DNM2: variants seen among roughly 807,000 people sequenced by gnomAD.
DNM2 encodes the protein dynamin 2.
In DNM2, 15 loss-of-function variants were observed where a neutral mutation model predicts 99.0. The observed-to-expected ratio is 0.15, with a 90% confidence interval of 0.10 to 0.23. The LOEUF (loss-of-function observed/expected upper bound fraction) is 0.23, where lower values mean the gene tolerates loss of function less well. Ranked by LOEUF, DNM2 falls within the 10% of genes least tolerant of loss-of-function variation. The pLI is 1.00. For missense variants in DNM2, 742 were observed against 1,189.4 expected, an observed-to-expected ratio of 0.62 and a Z score of 5.53; for synonymous variants, 525 against 481.2, an observed-to-expected ratio of 1.09 and a Z score of -1.19.
intron 1 of DNM2, among the ~76,000 whole-genome samples, chr19:10,724,851 T>G (rs1333314612): frequency 2.0e-5 from 3 of 152,230 alleles, no homozygotes; most frequent in Non-Finnish European, 4.4e-5. Flanking sequence ...TTTCTTTTAA[T>G]AAGAAGCAGC....
In DNM2 at chr19:10,795,281, C is replaced by A; in HGVS notation, c.1129-91C>A. 1.7e-6 allele frequency: 2 copies of A among 1,186,760 alleles called. No homozygotes were observed. Among genetic ancestry groups the A allele is most frequent in the Non-Finnish European group, 2.5e-6 (2 of 792,704 alleles). The allele number at this position is 1,186,760 out of a possible 1,614,324, so 73.5% of individuals were successfully genotyped here. A position where few individuals can be genotyped will look rare whatever the true frequency, so the allele number is the denominator to read the frequency against. ...AAATATTCTGCCTTGTGAATATAGC[C>A]ACACGTGGGAGAGAACGTTCCCCAG... On this transcript the variant is annotated intron_variant, in intron 8 of 20. Coordinates refer to ENST00000389253, the MANE Select transcript of DNM2 (RefSeq NM_001005361.3). This position sits in a 1 kb window ranked among gnomAD's most constrained non-coding sequence, Gnocchi z 4.2.
intron 1 of DNM2, chr19:10,718,630 G>A: frequency 1.9e-6 from 1 of 528,186 alleles, no homozygotes; most frequent in East Asian, 4.5e-5. Flanking sequence ...ACGGGCCAGG[G>A]CGCCGTAGGA....
chr19:10,730,432 C>G (rs535671009), intron 1 of DNM2, among the ~76,000 whole-genome samples: 2 of 152,210 alleles, frequency 1.3e-5, no homozygotes, highest in South Asian at 4.1e-4. Context: ...TGAGCCCACA[C>G]TGTGCCATTG....
Position 10,775,719 on chromosome 19 carries a change from C to T in DNM2, c.402C>T (p.Leu134=), listed in dbSNP as rs748069348. The T allele has an allele frequency of 3.7e-6, 6 of 1,614,040 alleles. No homozygotes were observed. The highest frequency in any genetic ancestry group is 1.3e-5 in the African/African-American group (1 of 74,914). ...CCCTCCCAGTGTTGAACTTGACCCT[C>T]ATCGACCTCCCGGGTATCACCAAGG... ...VYSPHVLNLT[L]IDLPGITKVP... The change falls in exon 4 of 21, where the codon CTC becomes CTT. Residue 134 remains leucine (L), a synonymous_variant. Coordinates refer to ENST00000389253, the MANE Select transcript of DNM2 (RefSeq NM_001005361.3). The surrounding 1 kb of genome is among the most constrained non-coding windows in gnomAD (Gnocchi z 4.3).
intron 1 of DNM2, among the ~76,000 whole-genome samples, chr19:10,736,057 G>A (rs1404284321): frequency 6.6e-6 from 1 of 152,108 alleles, no homozygotes; most frequent in African/African-American, 2.4e-5. Context: ...GAGGTCAGGA[G>A]TTTGAAACTG....
At chr19:10,808,004 A>G in intron 13 of DNM2, among the ~76,000 whole-genome samples, 1 of 150,578 alleles carries the variant, frequency 6.6e-6, no homozygotes, top group East Asian at 2.3e-4. Context: ...TTAGCCTGGC[A>G]TGATGGTGGG....
At chr19:10,782,127 G>A (rs2071397331) in intron 5 of DNM2, among the ~76,000 whole-genome samples, 1 of 152,050 alleles carries the variant, frequency 6.6e-6, no homozygotes. Flanking sequence ...CGAACTCCCA[G>A]GCTCAGGTGA....
intron 1 of DNM2, among the ~76,000 whole-genome samples, chr19:10,744,760 T>G (rs2069901084): frequency 6.6e-6 from 1 of 152,102 alleles, no homozygotes; most frequent in Admixed American, 6.6e-5. Flanking sequence ...TGTTGCAAGA[T>G]GGGAGAGACT....
chr19:10,793,632 A>G, intron 7 of DNM2, 88 bp from the exon 8 acceptor site: 1 of 1,612,018 alleles, frequency 6.2e-7, no homozygotes, highest in South Asian at 1.1e-5. Context: ...TGGTAAAAGA[A>G]CAGTAAACCC....
intron 13 of DNM2, 82 bp from the exon 14 acceptor site, chr19:10,808,487 T>TC (rs2072431089): frequency 2.0e-6 from 3 of 1,497,024 alleles, no homozygotes; most frequent in Non-Finnish European, 2.7e-6. Flanking sequence ...TTTTTCTTTG[T>TC]CCCCTTCACG....
chr19:10,782,730 T>C (rs1482454397), intron 5 of DNM2, among the ~76,000 whole-genome samples: 1 of 152,252 alleles, frequency 6.6e-6, no homozygotes, highest in Non-Finnish European at 1.5e-5. Flanking sequence ...TTTCTGTCCC[T>C]GCGCACACAG....
Position 10,816,347 on chromosome 19 carries a change from C to T in DNM2, c.1672-3633C>T, listed in dbSNP as rs947198164. On this transcript the variant is annotated intron_variant, in intron 15 of 20. Transcript: ENST00000389253. This position sits in a 1 kb window ranked among gnomAD's most constrained non-coding sequence, Gnocchi z 4.6. ...GGAGCCCTGAGGCTTCTGCGGGACTCTGGGGCGCTGTTTCTAAACCCAGGG... is the reference window on the plus strand; with the variant it reads ...GGAGCCCTGAGGCTTCTGCGGGACTTTGGGGCGCTGTTTCTAAACCCAGGG... 3.1e-4 allele frequency among the ~76,000 whole-genome samples: 47 copies of T among 152,248 alleles called. No individual in the cohort carries two copies. The highest frequency in any genetic ancestry group is 9.9e-4 in the African/African-American group (41 of 41,542).
At chr19:10,726,690 C>T (rs920932526) in intron 1 of DNM2, among the ~76,000 whole-genome samples, 9 of 152,044 alleles carry the variant, frequency 5.9e-5, no homozygotes, top group Admixed American at 2.0e-4. Flanking sequence ...ATGGTGAACC[C>T]TCATCTCTAC....
intron 1 of DNM2, among the ~76,000 whole-genome samples, chr19:10,753,604 A>T (rs1028486637): frequency 1.3e-5 from 2 of 151,658 alleles, no homozygotes; most frequent in African/African-American, 4.8e-5. Context: ...CAGCATGGAT[A>T]GGCCATAATT....
chr19:10,794,210 C>CA (rs1197057484), intron 8 of DNM2, among the ~76,000 whole-genome samples: 1 of 152,152 alleles, frequency 6.6e-6, no homozygotes, highest in East Asian at 1.9e-4. Flanking sequence ...TGCAACATAG[C>CA]ACTGAGCTGA....
rs531726476 is a variant in DNM2 at position 10,786,593 on chromosome 19, G to C, written c.879G>C (p.Leu293=). 3.7e-6 allele frequency: 6 copies of C among 1,614,158 alleles called. No individual in the cohort carries two copies. The South Asian group carries it at 6.6e-5, about 18-fold the overall frequency. The change falls in exon 7 of 21, where the codon CTG becomes CTC. Residue 293 remains leucine (L), a synonymous_variant. Transcript: ENST00000389253. The stretch of plus-strand genomic sequence containing the variant: ...TGACCAACCACATCCGGGAGTCGCT[G>C]CCGGCCCTACGTAGCAAACTACAGA... ...QQLTNHIRES[L]PALRSKLQSQ...
intron 1 of DNM2, among the ~76,000 whole-genome samples, chr19:10,758,391 T>C (rs866456873): frequency 7.6e-4 from 45 of 59,312 alleles, no homozygotes; most frequent in African/African-American, 1.6e-3. Context: ...CCCTCCTTCC[T>C]TCCCTCCTTC....
At chr19:10,744,346 C>G (rs929918443) in intron 1 of DNM2, among the ~76,000 whole-genome samples, 1 of 152,084 alleles carries the variant, frequency 6.6e-6, no homozygotes, top group Non-Finnish European at 1.5e-5. Context: ...CCGAGAGATA[C>G]GCTGTGGGGG....
At chr19:10,822,609 C>T (rs1046769047) in intron 16 of DNM2, among the ~76,000 whole-genome samples, 6 of 152,016 alleles carry the variant, frequency 3.9e-5, no homozygotes, top group African/African-American at 1.4e-4. Context: ...AGCGATTCTC[C>T]TGCCTCAGCC....
Sources: gnomAD v4.1 joint callset for allele counts (sites outside exome capture counted in the v4.1 genomes callset) on GRCh38, gnomAD v4.1.1 for gene constraint, Gnocchi (gnomAD v3.1) non-coding constraint, MANE v1.5 for transcripts, NCBI Gene and HGNC (gene_info 2026-07-23, HGNC 2026-07-21) for gene names.